Variants in CACTIN observed in about 807,000 individuals in gnomAD.
CACTIN encodes the protein cactin, spliceosome C complex subunit.
Under a neutral mutation model 84.9 loss-of-function variants are expected in CACTIN, and 20 were observed. The observed-to-expected ratio is 0.24, with a 90% confidence interval of 0.17 to 0.34. The LOEUF (loss-of-function observed/expected upper bound fraction) is 0.34. CACTIN is among the 10% of genes least tolerant of loss of function. CACTIN has a pLI of 1.00. For synonymous variants in CACTIN, 549 were observed against 467.9 expected (o/e 1.17, Z -2.24); for missense variants, 897 against 1,117.2 (o/e 0.80, Z 2.81).
intron 3 of CACTIN, 190 bp from the exon 4 acceptor site, chr19:3,620,462 A>T: frequency 1.3e-6 from 1 of 764,170 alleles, no homozygotes; most frequent in Non-Finnish European, 2.2e-6. Flanking sequence ...TCAGCAGCTC[A>T]GATCAGCTGG....
At chr19:3,623,515 C>T (rs1448668473) in intron 2 of CACTIN, among the ~76,000 whole-genome samples, 173 bp downstream of exon 2, 1 of 152,184 alleles carries the variant, frequency 6.6e-6, no homozygotes, top group Non-Finnish European at 1.5e-5. Flanking sequence ...GGCGACAGAG[C>T]GAGACCCTGT....
At chr19:3,623,548 G>A (rs1269910604) in intron 2 of CACTIN, 140 bp downstream of exon 2, 15 of 712,500 alleles carry the variant, frequency 2.1e-5, no homozygotes, top group African/African-American at 3.6e-5. Flanking sequence ...AGCTGATAGC[G>A]GCAGAAGCTT....
Position 3,611,766 on chromosome 19 carries a change from GA to G in CACTIN, c.*156del, listed in dbSNP as rs1028401009. On this transcript the variant is annotated 3_prime_UTR_variant, in exon 10 of 10. Coordinates refer to ENST00000429344, the MANE Select transcript of CACTIN (RefSeq NM_001080543.2). Reference sequence around the variant, plus strand: ...CAATGGTGACCCCCCTTTTATATAGGAGGAAACTGAGGCCTGGCGAAAGAAA... The same window carrying G: ...CAATGGTGACCCCCCTTTTATATAGGGGAAACTGAGGCCTGGCGAAAGAAA... 1 of 948,792 alleles carries G rather than the reference GA, an allele frequency of 1.1e-6. No individual in the cohort carries two copies. Among genetic ancestry groups the G allele is most frequent in the Non-Finnish European group, 1.6e-6 (1 of 612,272 alleles). 58.8% of individuals were successfully genotyped at this position (948,792 alleles called of 1,614,324 possible).
In CACTIN at chr19:3,623,829, G is replaced by A. The variant is rs761589675; in HGVS notation, c.501C>T (p.Arg167=). ...CCTCCTTCTTGGCCAGCCGCCGTGC[G>A]CGCTTCTCCTCGGGCGTCTCGAAGG... is the stretch of plus-strand genomic sequence containing the variant. ...MKAFETPEEK[R]ARRLAKKEAK... The change falls in exon 2 of 10, where the codon CGC becomes CGT. Residue 167 remains arginine, a synonymous_variant. Coordinates refer to ENST00000429344, the MANE Select transcript of CACTIN (RefSeq NM_001080543.2). The A allele has an allele frequency of 4.2e-5, 68 of 1,613,002 alleles. No individual in the cohort carries two copies. The highest frequency in any genetic ancestry group is 4.9e-5 in the Non-Finnish European group (58 of 1,179,902).
intron 2 of CACTIN, among the ~76,000 whole-genome samples, chr19:3,622,499 C>G (rs1319181689): frequency 1.3e-5 from 2 of 152,108 alleles, no homozygotes; most frequent in African/African-American, 4.8e-5. Context: ...ACACACAGAG[C>G]AGAAGGCCGT....
intron 6 of CACTIN, among the ~76,000 whole-genome samples, chr19:3,617,838 G>C (rs946767544): frequency 6.6e-6 from 1 of 152,222 alleles, no homozygotes; most frequent in African/African-American, 2.4e-5. Flanking sequence ...GGTTACGGGA[G>C]AATGTGCCCC....
At chr19:3,626,501 C>CG (rs1469714262) in intron 1 of CACTIN, 95 bp downstream of exon 1, 34 of 1,213,814 alleles carry the variant, frequency 2.8e-5, no homozygotes, top group Non-Finnish European at 3.4e-5. Flanking sequence ...CCGAGTAAGT[C>CG]GGGGGTTTCC....
intron 1 of CACTIN, 52 bp from the exon 2 acceptor site, chr19:3,624,214 C>G: frequency 7.0e-7 from 1 of 1,433,430 alleles, no homozygotes; most frequent in Non-Finnish European, 9.4e-7. Flanking sequence ...GTCATCTGCT[C>G]CACAGATGCT....
At position 3,612,417 on chromosome 19, in the gene CACTIN, C is replaced by A. The variant is rs1014880759; in HGVS notation, c.1787-4G>T. On this transcript the variant is annotated splice_region_variant and splice_polypyrimidine_tract_variant and intron_variant, in intron 9 of 9. Coordinates refer to ENST00000429344, the MANE Select transcript of CACTIN (RefSeq NM_001080543.2). ...TCGGCGCTCTCGCTGGCGTCTCCTG[C>A]GGGCGGGACGGCGTTCACCCGGGCC... is the stretch of plus-strand genomic sequence containing the variant. 2.5e-6 allele frequency: 4 copies of A among 1,579,260 alleles called. No individual in the cohort carries two copies. Among genetic ancestry groups the A allele is most frequent in the Middle Eastern group, 2.0e-4 (1 of 5,048 alleles).
At chr19:3,613,977 A>G (rs78516459) in intron 7 of CACTIN, 6,274 of 411,724 alleles carry the variant, frequency 0.015, 124 homozygotes, top group African/African-American at 0.058. Flanking sequence ...AACACTCCAG[A>G]AATCTGTACA....
rs897626615 is a variant in CACTIN at position 3,626,756 on chromosome 19, G to A, written c.7C>T (p.Arg3Trp). 4.2e-6 allele frequency: 6 copies of A among 1,443,530 alleles called. No homozygotes were observed. The African/African-American group carries it at 7.4e-5, about 18-fold the overall frequency. 89.4% of individuals were successfully genotyped at this position (1,443,530 alleles called of 1,614,324 possible). MGRDTRSRSRSAG... is the reference protein window; with the variant it reads MGWDTRSRSRSAG... ...GACCGCGAGCGCGAGCGTGTGTCCC[G>A]ACCCATCGGCTGGGCCAGTGGCCGC... Residue 3 changes from arginine (R) to tryptophan (W), a missense_variant, in exon 1 of 10, where the codon CGG becomes TGG. Physicochemically the swap from Arg to Trp is moderately radical, Grantham distance 101. This residue lies in a region of CACTIN where 261 missense variants were observed against 243.8 expected (regional missense o/e 1.07). Transcript: ENST00000429344.
In CACTIN at chr19:3,619,018, C is replaced by A. The variant is rs200351614; in HGVS notation, c.1048-29G>T. The A allele has an allele frequency of 5.3e-4, 816 of 1,546,082 alleles. 4 individuals are homozygous for A. In the African/African-American group the frequency reaches 9.8e-3, roughly 19 times the overall value. ...GGGGCAGGGGGCAGGGGTCAGGACA[C>A]GGGTGTGGCTGGGGTGGGGGTGAGG... is the stretch of plus-strand genomic sequence containing the variant. On this transcript the variant is annotated intron_variant, in intron 5 of 9. Coordinates refer to ENST00000429344, the MANE Select transcript of CACTIN (RefSeq NM_001080543.2).
At chr19:3,623,231 A>T (rs7252821) in intron 2 of CACTIN, among the ~76,000 whole-genome samples, 94,062 of 150,340 alleles carry the variant, frequency 0.63, 29,231 homozygotes, top group Admixed American at 0.66. Flanking sequence ...CGAGACCCTG[A>T]GTCAAAAAAG....
chr19:3,624,912 T>G (rs2033302711), intron 1 of CACTIN, among the ~76,000 whole-genome samples: 1 of 152,008 alleles, frequency 6.6e-6, no homozygotes, highest in Non-Finnish European at 1.5e-5. Flanking sequence ...TTTTTATTTA[T>G]TAGAGACAGA....
At chr19:3,616,714 T>G (rs1161716800) in intron 6 of CACTIN, 2 of 152,220 alleles carry the variant, frequency 1.3e-5, no homozygotes, top group Admixed American at 1.3e-4. Flanking sequence ...AGAAAAAGCA[T>G]GCAGTCACTC....
chr19:3,622,245 T>C (rs1320502579), intron 2 of CACTIN, among the ~76,000 whole-genome samples: 2 of 151,840 alleles, frequency 1.3e-5, no homozygotes, highest in African/African-American at 4.8e-5. Flanking sequence ...CCGCCTGTAA[T>C]TCCAGCTACT....
Position 3,618,177 on chromosome 19 carries a change from C to CCGGGGGG in CACTIN, c.1162+697_1162+698insCCCCCCG, listed in dbSNP as rs56057264. ...GGGCTGCTGTGGTTGGCTTTTAGAC[C>CCGGGGGG]GGGGGGGGGGGGGGTCTCATCTAGG... On this transcript the variant is annotated intron_variant, in intron 6 of 9. Transcript: ENST00000429344. Among the ~76,000 whole-genome samples the CCGGGGGG allele has an allele frequency of 5.6e-5, 6 of 108,022 alleles. 2 individuals are homozygous for CCGGGGGG. The highest frequency in any genetic ancestry group is 2.6e-4 in the African/African-American group (6 of 23,448). 70.9% of individuals were successfully genotyped at this position (108,022 alleles called of 152,430 possible).
chr19:3,611,669 A>G lies in CACTIN; in HGVS notation c.*254T>C. 1.9e-6 allele frequency: 1 copy of G among 528,564 alleles called. No homozygotes were observed. Among genetic ancestry groups the G allele is most frequent in the East Asian group, 3.5e-5 (1 of 28,394 alleles). 32.7% of individuals were successfully genotyped at this position (528,564 alleles called of 1,614,324 possible). On this transcript the variant is annotated 3_prime_UTR_variant, in exon 10 of 10. Transcript: ENST00000429344. ...ACCCTCGTGCTCGAAAGATGCCCCT[A>G]GCGCCCCCTCCGTTGCATCAGGACC... is the stretch of plus-strand genomic sequence containing the variant.
At chr19:3,624,279 T>A in intron 1 of CACTIN, 117 bp from the exon 2 acceptor site, 1 of 939,638 alleles carries the variant, frequency 1.1e-6, no homozygotes, top group Non-Finnish European at 1.6e-6. Flanking sequence ...GACACAGCAG[T>A]GACCCAAATA....
Sources: gnomAD v4.1 joint callset for allele counts (sites outside exome capture counted in the v4.1 genomes callset) on GRCh38, gnomAD v4.1.1 for gene constraint, gnomAD v4.1.1 regional missense constraint, MANE v1.5 for transcripts, NCBI Gene and HGNC (gene_info 2026-07-23, HGNC 2026-07-21) for gene names.